The following CFAP54 variants were observed in gnomAD, a reference collection of about 807,000 sequenced individuals.
CFAP54 encodes the protein cilia- and flagella-associated protein 54.
CFAP54 carries 290 observed loss-of-function variants against 370.4 expected under a neutral mutation model. The observed-to-expected ratio is 0.78, with a 90% CI of 0.71 to 0.86. The LOEUF is 0.86. Among genes scored for constraint, CFAP54 ranks in the 40% least tolerant of loss-of-function variants. CFAP54 has a pLI of 0.00. For synonymous variants in CFAP54, 1,206 were observed against 1,236.5 expected (o/e 0.98, Z 0.52); for missense variants, 3,399 against 3,528.7 (o/e 0.96, Z 0.93).
chr12:96,626,392 C>CAAAAAAA (rs1396952837), intron 29 of CFAP54, among the ~76,000 whole-genome samples: 5 of 103,712 alleles, frequency 4.8e-5, no homozygotes, highest in African/African-American at 1.1e-4. Context: ...TCTCAAAAAA[C>CAAAAAAA]AAAAAAAAAA....
At chr12:96,569,596 C>G (rs1390268566) in intron 19 of CFAP54, among the ~76,000 whole-genome samples, 4 of 152,188 alleles carry the variant, frequency 2.6e-5, no homozygotes, top group Non-Finnish European at 5.9e-5. Flanking sequence ...GTTGTTTCAT[C>G]TGGTTTTCTT....
At chr12:96,783,399 C>T (rs1335326943) in intron 60 of CFAP54, among the ~76,000 whole-genome samples, 3 of 152,000 alleles carry the variant, frequency 2.0e-5, no homozygotes, top group Admixed American at 1.3e-4. Flanking sequence ...TTCCTTTTTT[C>T]GCTTCCCAGA....
At chr12:96,702,901 G>T (rs2136581577) in intron 46 of CFAP54, among the ~76,000 whole-genome samples, 1 of 152,098 alleles carries the variant, frequency 6.6e-6, no homozygotes. Flanking sequence ...ACTTTTCACA[G>T]GCCTTTAAAA....
chr12:96,578,684 C>A (rs1015993023), intron 20 of CFAP54, among the ~76,000 whole-genome samples: 4 of 152,070 alleles, frequency 2.6e-5, no homozygotes, highest in African/African-American at 9.7e-5. Flanking sequence ...TAGAGAGTTC[C>A]AGGAAATTAT....
chr12:96,507,046 T>G lies in CFAP54; in HGVS notation c.686T>G (p.Leu229Arg), dbSNP rs780704149. Residue 229 changes from leucine (L) to arginine (R), a missense_variant, in exon 4 of 68, where the codon CTC becomes CGC. Transcript: ENST00000524981. Reference sequence around the variant, plus strand: ...CTGCATATCTTGTCCTCCTTAAGGCTCATCATGCAAGTGGCTCTGCCACAA... The same window carrying G: ...CTGCATATCTTGTCCTCCTTAAGGCGCATCATGCAAGTGGCTCTGCCACAA... ...QCLHILSSLR[L>R]IMQVALPQEH... 2.9e-5 allele frequency: 44 copies of G among 1,534,540 alleles called. No individual in the cohort carries two copies. In the South Asian group the frequency reaches 4.9e-4, roughly 17 times the overall value.
At chr12:96,710,224 A>G (rs985547997) in intron 48 of CFAP54, among the ~76,000 whole-genome samples, 16 of 151,906 alleles carry the variant, frequency 1.1e-4, no homozygotes, top group Non-Finnish European at 1.8e-4. Context: ...CTGCTACTGA[A>G]AAAATAGTTA....
intron 66 of CFAP54, among the ~76,000 whole-genome samples, chr12:96,831,992 T>C (rs1333013767): frequency 2.0e-5 from 3 of 152,184 alleles, no homozygotes; most frequent in Admixed American, 1.3e-4. Flanking sequence ...ATAGGTCTCA[T>C]CTTGAATTGT....
chr12:96,645,204 GATAAAA>G (rs1565926532), intron 33 of CFAP54: 1 of 455,936 alleles, frequency 2.2e-6, no homozygotes, highest in Non-Finnish European at 4.4e-6. Flanking sequence ...TGCTGTGAGA[GATAAAA>G]ATAGAAGATA....
chr12:96,495,110 A>G (rs1363293267), intron 1 of CFAP54, among the ~76,000 whole-genome samples: 1 of 152,114 alleles, frequency 6.6e-6, no homozygotes, highest in Non-Finnish European at 1.5e-5. Context: ...AGTATTTAAA[A>G]TATAAATTAT....
intron 65 of CFAP54, among the ~76,000 whole-genome samples, chr12:96,826,787 AAAT>A (rs1188194903): frequency 8.9e-6 from 1 of 112,508 alleles, no homozygotes; most frequent in Non-Finnish European, 1.6e-5. Context: ...ATATAATTAT[AAAT>A]AATATATAAT....
At chr12:96,745,836 G>A (rs1374886825) in intron 55 of CFAP54, among the ~76,000 whole-genome samples, 2 of 152,148 alleles carry the variant, frequency 1.3e-5, no homozygotes, top group African/African-American at 2.4e-5. Context: ...ATATTTTTAT[G>A]AGTCAAGGTC....
rs1290906532 is a variant in CFAP54, at chr12:96,811,772, A to G, written c.8887A>G (p.Lys2963Glu). 2 of 1,523,806 alleles carry G rather than the reference A, an allele frequency of 1.3e-6. No individual in the cohort carries two copies. Among genetic ancestry groups the G allele is most frequent in the African/African-American group, 1.4e-5 (1 of 72,224 alleles). 94.4% of individuals were successfully genotyped at this position (1,523,806 alleles called of 1,614,324 possible). A position where few individuals can be genotyped will look rare whatever the true frequency, so the allele number is the denominator to read the frequency against. Residue 2963 changes from lysine (K) to glutamate (E), a missense_variant, in exon 64 of 68, where the codon AAG (lysine) becomes GAG (glutamate). This residue lies in a region of CFAP54 where 2,796 missense variants were observed against 2,869.7 expected (regional missense o/e 0.97). Transcript: ENST00000524981. ...LLYAYNLKPLKISDVRHSTYN... is the reference protein window; with the variant it reads ...LLYAYNLKPLEISDVRHSTYN... Reference sequence around the variant, plus strand: ...GTATGCATATAATTTGAAGCCTCTGAAGATTTCAGATGTTAGACATTCCAC... The same window carrying G: ...GTATGCATATAATTTGAAGCCTCTGGAGATTTCAGATGTTAGACATTCCAC...
chr12:96,725,016 T>G (rs976217040), intron 50 of CFAP54, among the ~76,000 whole-genome samples: 5 of 152,202 alleles, frequency 3.3e-5, no homozygotes, highest in African/African-American at 1.2e-4. Flanking sequence ...GAGGGCTCTG[T>G]TCTGTTCCAT....
At chr12:96,560,527 C>A (rs1208616404) in intron 17 of CFAP54, among the ~76,000 whole-genome samples, 1 of 152,158 alleles carries the variant, frequency 6.6e-6, no homozygotes, top group African/African-American at 2.4e-5. Context: ...ATAACTCCTC[C>A]AACTTCTTTT....
chr12:96,748,418 C>T (rs1019946496), intron 55 of CFAP54, among the ~76,000 whole-genome samples: 2 of 152,080 alleles, frequency 1.3e-5, no homozygotes, highest in African/African-American at 4.8e-5. Context: ...GAAAGTGCTG[C>T]TGTTCTTCTT....
intron 1 of CFAP54, among the ~76,000 whole-genome samples, chr12:96,493,702 G>T (rs1954913527): frequency 6.6e-6 from 1 of 152,150 alleles, no homozygotes; most frequent in African/African-American, 2.4e-5. Flanking sequence ...GCAGGCCGAG[G>T]CAGGAGAATC....
At chr12:96,765,302 T>C (rs1255555370) in intron 60 of CFAP54, 84 bp downstream of exon 60, 1 of 1,274,682 alleles carries the variant, frequency 7.8e-7, no homozygotes, top group Non-Finnish European at 1.0e-6. Context: ...TTGTAATTTG[T>C]TGGCTTTTAG....
intron 66 of CFAP54, among the ~76,000 whole-genome samples, chr12:96,831,578 A>G (rs1226272067): frequency 6.6e-6 from 1 of 152,192 alleles, no homozygotes; most frequent in Non-Finnish European, 1.5e-5. Flanking sequence ...AGAGAGTGAC[A>G]GGGAATGGGG....
intron 25 of CFAP54, 54 bp downstream of exon 25, chr12:96,594,500 AATTC>A: frequency 7.6e-7 from 1 of 1,315,674 alleles, no homozygotes; most frequent in Non-Finnish European, 1.0e-6. Context: ...GCAACTTAAC[AATTC>A]ATTTTAGAAA....
Sources: allele counts gnomAD v4.1 joint callset (sites outside exome capture counted in the v4.1 genomes callset), GRCh38; gene constraint gnomAD v4.1.1; regional missense constraint gnomAD v4.1.1; transcripts MANE v1.5; gene names NCBI Gene and HGNC (gene_info 2026-07-23, HGNC 2026-07-21).